Variants in CSH2 observed in about 807,000 individuals in gnomAD.
The protein encoded by CSH2 is choriomammotropin.
Under a neutral mutation model 22.7 loss-of-function variants are expected in CSH2, and 10 were observed. The observed-to-expected ratio is 0.44, with a 90% CI of 0.27 to 0.75. The LOEUF (loss-of-function observed/expected upper bound fraction) is 0.75. Among genes scored for constraint, CSH2 ranks in the 30% least tolerant of loss-of-function variants. The probability of loss-of-function intolerance (pLI) is 0.16; values close to 1 mark genes in which losing one functional copy is unlikely to be tolerated. For missense variants in CSH2, 161 were observed against 271.0 expected, an observed-to-expected ratio of 0.59 and a Z score of 2.85; for synonymous variants, 64 against 115.0, an observed-to-expected ratio of 0.56 and a Z score of 2.84.
At position 63,872,337 on chromosome 17, in the gene CSH2, G is replaced by A. The variant is rs753149457; in HGVS notation, c.457-14C>T. 6.2e-7 allele frequency: 1 copy of A among 1,613,888 alleles called. No individual in the cohort carries two copies. ...GTCTTCCAGCCTCTGCAAAGTGAAGGAAGAGAAGGAGAGGCCAAGCGCTTG... is the reference window on the plus strand; with the variant it reads ...GTCTTCCAGCCTCTGCAAAGTGAAGAAAGAGAAGGAGAGGCCAAGCGCTTG... On this transcript the variant is annotated splice_polypyrimidine_tract_variant and intron_variant, in intron 4 of 4. Coordinates refer to ENST00000392886, the MANE Select transcript of CSH2 (RefSeq NM_020991.4).
Position 63,873,174 on chromosome 17 carries a change from C to T in CSH2, c.171+5G>A. 6.2e-7 allele frequency: 1 copy of T among 1,613,880 alleles called. No individual in the cohort carries two copies. The highest frequency in any genetic ancestry group is 2.2e-5 in the East Asian group (1 of 44,856). On this transcript the variant is annotated splice_donor_5th_base_variant and intron_variant, in intron 2 of 4. Transcript: ENST00000392886. ...CTGACCCGCACCCATTCCCCAAGAA[C>T]TTACAAACTCCTGGTAGGTGTCAAT...
Position 63,872,183 on chromosome 17 carries a change from G to A in CSH2, c.597C>T (p.Val199=), listed in dbSNP as rs909532810. 9 of 1,613,914 alleles carry A rather than the reference G, an allele frequency of 5.6e-6. No homozygotes were observed. The highest frequency in any genetic ancestry group is 1.3e-5 in the African/African-American group (1 of 74,906). The change falls in exon 5 of 5, where the codon GTC becomes GTT. Residue 199 remains valine, a synonymous_variant. Transcript: ENST00000392886. ...LYCFRKDMDK[V]ETFLRMVQCR... ...ACTGCACCATGCGCAGGAATGTCTC[G>A]ACCTTGTCCATGTCCTTCCTGAAGC...
Position 63,872,141 on chromosome 17 carries a change from A to T in CSH2, c.639T>A (p.Gly213=). The stretch of plus-strand genomic sequence containing the variant: ...ACGCGGGCACCTAGAAGCCACAGCT[A>T]CCCTCTACAGAGCGGCACTGCACCA... ...LRMVQCRSVE[G]SCGF Residue 213 remains glycine (G), a synonymous_variant, in exon 5 of 5, where the codon GGT becomes GGA. Coordinates refer to ENST00000392886, the MANE Select transcript of CSH2 (RefSeq NM_020991.4). The T allele has an allele frequency of 6.2e-7, 1 of 1,613,986 alleles. No individual in the cohort carries two copies. The highest frequency in any genetic ancestry group is 8.5e-7 in the Non-Finnish European group (1 of 1,179,934).
At position 63,872,165 on chromosome 17, in the gene CSH2, C is replaced by G. The variant is rs561223596; in HGVS notation, c.615G>C (p.Met205Ile). ...DMDKVETFLR[M>I]VQCRSVEGSC... The stretch of plus-strand genomic sequence containing the variant: ...TACCCTCTACAGAGCGGCACTGCAC[C>G]ATGCGCAGGAATGTCTCGACCTTGT... The change falls in exon 5 of 5, where the codon ATG becomes ATC. Residue 205 changes from methionine to isoleucine, a missense_variant. By Grantham distance (10) the Met-to-Ile change is conservative. Coordinates refer to ENST00000392886, the MANE Select transcript of CSH2 (RefSeq NM_020991.4). The G allele has an allele frequency of 1.7e-5, 27 of 1,614,066 alleles. No homozygotes were observed. Among genetic ancestry groups the G allele is most frequent in the South Asian group, 3.3e-5 (3 of 91,086 alleles).
At position 63,872,609 on chromosome 17, in the gene CSH2, C is replaced by T. The variant is rs12944815; in HGVS notation, c.424G>A (p.Asp142Asn). Residue 142 changes from aspartate to asparagine, a missense_variant, in exon 4 of 5, where the codon GAC becomes AAC. By Grantham distance (23) the Asp-to-Asn change is conservative (BLOSUM62 1). Coordinates refer to ENST00000392886, the MANE Select transcript of CSH2 (RefSeq NM_020991.4). ...AGCGTTTGGATGCCTTCCTCTAGGT[C>T]CTTTAGGAGGTGATAGTCATCGCTG... Reference protein sequence around the residue: ...SDSDDYHLLKDLEEGIQTLMG... With the variant: ...SDSDDYHLLKNLEEGIQTLMG... The T allele has an allele frequency of 6.2e-7, 1 of 1,613,568 alleles. No homozygotes were observed.
In CSH2 at chr17:63,872,221, C is replaced by T. The variant is rs1453026555; in HGVS notation, c.559G>A (p.Gly187Arg). ...HNHDALLKNY[G>R]LLYCFRKDMD... ...TCCTTCCTGAAGCAGTAGAGCAGCCCGTAGTTCTTGAGCAGTGCGTCATGG... is the reference window on the plus strand; with the variant it reads ...TCCTTCCTGAAGCAGTAGAGCAGCCTGTAGTTCTTGAGCAGTGCGTCATGG... The change falls in exon 5 of 5, where the codon GGG (glycine) becomes AGG (arginine). Residue 187 changes from glycine (G) to arginine (R), a missense_variant. Gly to Arg is a moderately radical substitution (Grantham distance 125). This residue lies in a region of CSH2 where 145 missense variants were observed against 157.8 expected (regional missense o/e 0.92). Transcript: ENST00000392886. 7.4e-6 allele frequency: 12 copies of T among 1,613,868 alleles called. No homozygotes were observed. The highest frequency in any genetic ancestry group is 4.5e-5 in the East Asian group (2 of 44,888).
At chr17:63,873,382 G>T in intron 1 of CSH2, 43 bp from the exon 2 acceptor site, 1 of 1,611,402 alleles carries the variant, frequency 6.2e-7, no homozygotes, top group South Asian at 1.1e-5. Flanking sequence ...CGGAGAGGAA[G>T]AGGCCAGCGC....
chr17:63,873,449 A>G, intron 1 of CSH2, 110 bp from the exon 2 acceptor site: 3 of 1,600,126 alleles, frequency 1.9e-6, no homozygotes, highest in Non-Finnish European at 2.6e-6. Context: ...TCCAGAGACC[A>G]GGAACATTCA....
chr17:63,872,024 A>C lies in CSH2; in HGVS notation c.*102T>G. ...ACACCTAGTCAGATGAAATGATACA[A>C]CTTAATTTTATTAGGACAAGGCTGA... On this transcript the variant is annotated 3_prime_UTR_variant, in exon 5 of 5. Coordinates refer to ENST00000392886, the MANE Select transcript of CSH2 (RefSeq NM_020991.4). 4 of 1,572,016 alleles carry C rather than the reference A, an allele frequency of 2.5e-6. No individual in the cohort carries two copies. Among genetic ancestry groups the C allele is most frequent in the Non-Finnish European group, 3.5e-6 (4 of 1,149,714 alleles).
In CSH2 at chr17:63,872,371, T is replaced by A. The variant is rs776433772; in HGVS notation, c.457-48A>T. 11 of 1,613,690 alleles carry A rather than the reference T, an allele frequency of 6.8e-6. No homozygotes were observed. In the Admixed American group the frequency reaches 1.2e-4, roughly 17 times the overall value. ...GAGAGGCCAAGCGCTTGGGCACTGT[T>A]CCCTCCCTCTCTCATTCATCCATTT... On this transcript the variant is annotated intron_variant, in intron 4 of 4. Transcript: ENST00000392886.
At chr17:63,872,458 T>A in intron 4 of CSH2, 119 bp downstream of exon 4, 1 of 1,613,812 alleles carries the variant, frequency 6.2e-7, no homozygotes, top group South Asian at 1.1e-5. Context: ...AAATGAAGAA[T>A]AAGGTGAGTT....
In CSH2 at chr17:63,872,021, A is replaced by G. The variant is rs1567773851; in HGVS notation, c.*105T>C. 1.9e-6 allele frequency: 3 copies of G among 1,559,594 alleles called. No homozygotes were observed. The South Asian group carries it at 3.4e-5, about 18-fold the overall frequency. On this transcript the variant is annotated 3_prime_UTR_variant, in exon 5 of 5. Coordinates refer to ENST00000392886, the MANE Select transcript of CSH2 (RefSeq NM_020991.4). Reference sequence around the variant, plus strand: ...ATGACACCTAGTCAGATGAAATGATACAACTTAATTTTATTAGGACAAGGC... The same window carrying G: ...ATGACACCTAGTCAGATGAAATGATGCAACTTAATTTTATTAGGACAAGGC...
At chr17:63,873,698 C>G, upstream of CSH2, 1 of 1,478,112 alleles carries the variant, frequency 6.8e-7, no homozygotes, top group Non-Finnish European at 9.3e-7. Context: ...CTTGTGGGCC[C>G]TTTTTATACC....
chr17:63,872,371 T>C (rs776433772), intron 4 of CSH2, 48 bp from the exon 5 acceptor site: 3 of 1,613,808 alleles, frequency 1.9e-6, no homozygotes, highest in South Asian at 1.1e-5. Flanking sequence ...TGGGCACTGT[T>C]CCCTCCCTCT....
In CSH2 at chr17:63,872,272, T is replaced by C. The variant is rs750053276; in HGVS notation, c.508A>G (p.Ser170Gly). ...TTGTGTGAGTTTGTGTCAAACTTGC[T>C]GTAGGTCTGCTTGAGGATCTGCCCA... is the stretch of plus-strand genomic sequence containing the variant. ...RTGQILKQTYSKFDTNSHNHD... is the reference protein window; with the variant it reads ...RTGQILKQTYGKFDTNSHNHD... Residue 170 changes from serine to glycine, a missense_variant, in exon 5 of 5, where the codon AGC (serine) becomes GGC (glycine). Physicochemically the swap from Ser to Gly is moderately conservative, Grantham distance 56. Transcript: ENST00000392886. 2.5e-6 allele frequency: 4 copies of C among 1,613,952 alleles called. No individual in the cohort carries two copies. The highest frequency in any genetic ancestry group is 3.4e-6 in the Non-Finnish European group (4 of 1,179,860).
Position 63,872,076 on chromosome 17 carries a change from G to T in CSH2, c.*50C>A, listed in dbSNP as rs779662134. ...GGGCACTGGAGTGGCACCTTCCAGG[G>T]CCAGGAGAGGCACTGGGGAGGGGTC... On this transcript the variant is annotated 3_prime_UTR_variant, in exon 5 of 5. Coordinates refer to ENST00000392886, the MANE Select transcript of CSH2 (RefSeq NM_020991.4). 6.2e-7 allele frequency: 1 copy of T among 1,613,590 alleles called. No individual in the cohort carries two copies. The highest frequency in any genetic ancestry group is 8.5e-7 in the Non-Finnish European group (1 of 1,179,662).
chr17:63,872,345 G>A (rs756585939), intron 4 of CSH2, 22 bp from the exon 5 acceptor site: 12 of 1,613,754 alleles, frequency 7.4e-6, no homozygotes, highest in Non-Finnish European at 1.0e-5. Flanking sequence ...AGGAAGAGAA[G>A]GAGAGGCCAA....
At chr17:63,872,386 T>C (rs1905135604) in intron 4 of CSH2, 63 bp from the exon 5 acceptor site, 1 of 1,613,724 alleles carries the variant, frequency 6.2e-7, no homozygotes. Flanking sequence ...CCCTCTCTCA[T>C]TCATCCATTT....
Position 63,872,261 on chromosome 17 carries a change from G to A in CSH2, c.519C>T (p.Asp173=), listed in dbSNP as rs1407336409. 1 of 1,613,976 alleles carries A rather than the reference G, an allele frequency of 6.2e-7. No homozygotes were observed. The highest frequency in any genetic ancestry group is 1.1e-5 in the South Asian group (1 of 91,066). ...GTGCGTCATGGTTGTGTGAGTTTGT[G>A]TCAAACTTGCTGTAGGTCTGCTTGA... ...QILKQTYSKF[D]TNSHNHDALL... Residue 173 remains aspartate, a synonymous_variant, in exon 5 of 5, where the codon GAC becomes GAT. Coordinates refer to ENST00000392886, the MANE Select transcript of CSH2 (RefSeq NM_020991.4).
Sources: gnomAD v4.1 joint callset for allele counts on GRCh38, gnomAD v4.1.1 for gene constraint, gnomAD v4.1.1 regional missense constraint, MANE v1.5 for transcripts, NCBI Gene and HGNC (gene_info 2026-07-23, HGNC 2026-07-21) for gene names.